Variants in WDFY2 observed in about 807,000 individuals in gnomAD.
WDFY2 encodes the protein WD repeat and FYVE domain containing 2.
WDFY2 carries 36 observed loss-of-function variants against 56.4 expected under a neutral mutation model. The ratio of observed to expected loss-of-function variants is 0.64; its 90% CI spans 0.49 to 0.84. The LOEUF (loss-of-function observed/expected upper bound fraction) is 0.84, where lower values mean the gene tolerates loss of function less well. WDFY2 is among the 40% of genes least tolerant of loss of function. WDFY2 has a pLI of 0.00. For synonymous variants in WDFY2, 176 were observed against 183.7 expected (o/e 0.96, Z 0.34); for missense variants, 444 against 512.2 (o/e 0.87, Z 1.29).
Position 51,760,521 on chromosome 13 carries a change from C to T in WDFY2, c.*752C>T, listed in dbSNP as rs1187071668. The T allele has an allele frequency of 6.6e-6, 1 of 152,076 alleles. No homozygotes were observed. The highest frequency in any genetic ancestry group is 1.5e-5 in the Non-Finnish European group (1 of 68,030). 9.4% of individuals were successfully genotyped at this position (152,076 alleles called of 1,614,324 possible). A position where few individuals can be genotyped will look rare whatever the true frequency, so the allele number is the denominator to read the frequency against. On this transcript the variant is annotated 3_prime_UTR_variant, in exon 12 of 12. Coordinates refer to ENST00000298125, the MANE Select transcript of WDFY2 (RefSeq NM_052950.4). The stretch of plus-strand genomic sequence containing the variant: ...ATCACAGAAGTAGATTATTTTAACT[C>T]AGAGCTTCAACGATCAGTGCCTGGA...
At chr13:51,709,137 G>C (rs1300026582) in intron 4 of WDFY2, among the ~76,000 whole-genome samples, 1 of 152,160 alleles carries the variant, frequency 6.6e-6, no homozygotes, top group Non-Finnish European at 1.5e-5. Context: ...CAGCAGACTT[G>C]AACAAAACAG....
intron 7 of WDFY2, among the ~76,000 whole-genome samples, chr13:51,741,537 C>T (rs1391757700): frequency 1.3e-5 from 2 of 152,096 alleles, no homozygotes; most frequent in Non-Finnish European, 2.9e-5. Context: ...AAGAAGGTTT[C>T]GGGATCATCT....
Position 51,675,263 on chromosome 13 carries a change from A to T in WDFY2, c.279+20A>T. On this transcript the variant is annotated intron_variant, in intron 3 of 11. Coordinates refer to ENST00000298125, the MANE Select transcript of WDFY2 (RefSeq NM_052950.4). ...ATCTCAGTAAGTACACATAAATAAG[A>T]TTTCCAGTTGAAATACTTCCCTTCC... The T allele has an allele frequency of 6.2e-7, 1 of 1,601,512 alleles. No homozygotes were observed. The highest frequency in any genetic ancestry group is 8.6e-7 in the Non-Finnish European group (1 of 1,168,968).
At chr13:51,653,948 T>C (rs942102558) in intron 1 of WDFY2, among the ~76,000 whole-genome samples, 2 of 152,240 alleles carry the variant, frequency 1.3e-5, no homozygotes, top group African/African-American at 4.8e-5. Flanking sequence ...GACAGGGACA[T>C]GTAAGTCTGC....
intron 1 of WDFY2, among the ~76,000 whole-genome samples, chr13:51,621,587 T>C (rs1461415806): frequency 1.3e-5 from 2 of 152,234 alleles, no homozygotes; most frequent in Non-Finnish European, 2.9e-5. Flanking sequence ...CAGACTTTGA[T>C]GCAGTTGAGA....
chr13:51,656,507 G>T (rs1386730301), intron 1 of WDFY2, among the ~76,000 whole-genome samples: 2 of 151,990 alleles, frequency 1.3e-5, no homozygotes, highest in Admixed American at 6.6e-5. Context: ...ATTAGATCTA[G>T]TTGGTTTGTA....
At chr13:51,671,507 A>G (rs1051073411) in intron 2 of WDFY2, among the ~76,000 whole-genome samples, 2 of 152,034 alleles carry the variant, frequency 1.3e-5, no homozygotes, top group African/African-American at 4.8e-5. Context: ...CCATTTGTAT[A>G]TCTTTTGAGA....
At position 51,717,472 on chromosome 13, in the gene WDFY2, A is replaced by G. The variant is rs563430352; in HGVS notation, c.335-1726A>G. Reference sequence around the variant, plus strand: ...CCTCTGGCACAGGAAGGCTGCTCAGAGGACTAAAGCCCCTTATCATCTAGG... The same window carrying G: ...CCTCTGGCACAGGAAGGCTGCTCAGGGGACTAAAGCCCCTTATCATCTAGG... On this transcript the variant is annotated intron_variant, in intron 4 of 11. Coordinates refer to ENST00000298125, the MANE Select transcript of WDFY2 (RefSeq NM_052950.4). Among the ~76,000 whole-genome samples the G allele has an allele frequency of 3.3e-5, 5 of 152,198 alleles. No homozygotes were observed. In the South Asian group the frequency reaches 1.0e-3, roughly 32 times the overall value.
chr13:51,607,540 GT>G (rs377054774), intron 1 of WDFY2, among the ~76,000 whole-genome samples: 16 of 147,914 alleles, frequency 1.1e-4, no homozygotes, highest in African/African-American at 2.5e-4. Context: ...AAAGTTGAGT[GT>G]TTTTTTTTTC....
Position 51,753,735 on chromosome 13 carries a change from C to T in WDFY2, c.832-1623C>T, listed in dbSNP as rs569192505. ...TTGATGTGTGTCCTGAACACGCATG[C>T]TTCCTTATAAAAGGTGTGTGTGTGT... On this transcript the variant is annotated intron_variant, in intron 8 of 11. Coordinates refer to ENST00000298125, the MANE Select transcript of WDFY2 (RefSeq NM_052950.4). 3.3e-5 allele frequency among the ~76,000 whole-genome samples: 5 copies of T among 152,094 alleles called. No homozygotes were observed. The South Asian group carries it at 6.2e-4, about 19-fold the overall frequency.
intron 11 of WDFY2, among the ~76,000 whole-genome samples, chr13:51,758,757 A>G (rs1366776679): frequency 6.6e-6 from 1 of 152,154 alleles, no homozygotes; most frequent in Non-Finnish European, 1.5e-5. Flanking sequence ...CAAAACGGTA[A>G]TACATATGAG....
intron 3 of WDFY2, among the ~76,000 whole-genome samples, chr13:51,698,135 A>G (rs764410086): frequency 1.3e-5 from 2 of 152,218 alleles, no homozygotes; most frequent in Non-Finnish European, 2.9e-5. Flanking sequence ...TAAACTGGAC[A>G]ATTTGGTTCC....
chr13:51,658,350 C>T (rs1012771889), intron 1 of WDFY2, among the ~76,000 whole-genome samples: 5 of 152,146 alleles, frequency 3.3e-5, no homozygotes, highest in Non-Finnish European at 1.5e-5. Flanking sequence ...GCCCTTCAGC[C>T]CTAAGGGTTT....
At chr13:51,724,199 C>T (rs1593451891) in intron 5 of WDFY2, among the ~76,000 whole-genome samples, 1 of 147,992 alleles carries the variant, frequency 6.8e-6, no homozygotes, top group East Asian at 2.0e-4. Context: ...CCAGTAATAG[C>T]TCCATTAAAT....
rs779441890 is a variant in WDFY2, at chr13:51,727,670, C to T, written c.486-8C>T. 4 of 1,611,568 alleles carry T rather than the reference C, an allele frequency of 2.5e-6. No homozygotes were observed. Among genetic ancestry groups the T allele is most frequent in the Non-Finnish European group, 8.5e-7 (1 of 1,178,790 alleles). On this transcript the variant is annotated splice_polypyrimidine_tract_variant and splice_region_variant and intron_variant, in intron 5 of 11. Transcript: ENST00000298125. Reference sequence around the variant, plus strand: ...TTTGAGAAACAATCCTTAATGCTTTCATGACAGATTTGATGTTGAAACCCG... The same window carrying T: ...TTTGAGAAACAATCCTTAATGCTTTTATGACAGATTTGATGTTGAAACCCG...
intron 6 of WDFY2, among the ~76,000 whole-genome samples, chr13:51,738,816 C>G (rs1180143537): frequency 6.6e-6 from 1 of 151,982 alleles, no homozygotes; most frequent in Non-Finnish European, 1.5e-5. Flanking sequence ...TTCTTTTGGT[C>G]TTTACAGTAA....
At chr13:51,726,207 A>C (rs1566188989) in intron 5 of WDFY2, among the ~76,000 whole-genome samples, 1 of 152,136 alleles carries the variant, frequency 6.6e-6, no homozygotes, top group Non-Finnish European at 1.5e-5. Context: ...ATAGCTTATA[A>C]ACTCTCATAT....
At chr13:51,714,038 G>A (rs931549390) in intron 4 of WDFY2, among the ~76,000 whole-genome samples, 4 of 151,912 alleles carry the variant, frequency 2.6e-5, no homozygotes, top group African/African-American at 4.8e-5. Flanking sequence ...GTGAAAGGTG[G>A]TGATGGTTAT....
At chr13:51,628,476 G>A (rs767529956) in intron 1 of WDFY2, among the ~76,000 whole-genome samples, 1 of 152,210 alleles carries the variant, frequency 6.6e-6, no homozygotes, top group Non-Finnish European at 1.5e-5. Flanking sequence ...AGGGATGCTC[G>A]TGTCTGGAGC....
Sources: gnomAD v4.1 joint callset for allele counts (sites outside exome capture counted in the v4.1 genomes callset) on GRCh38, gnomAD v4.1.1 for gene constraint, MANE v1.5 for transcripts, NCBI Gene and HGNC (gene_info 2026-07-23, HGNC 2026-07-21) for gene names.